OLFM2: variants seen among roughly 807,000 people sequenced by gnomAD.
OLFM2 encodes the protein olfactomedin 2, also known as noelin-2.
Under a neutral mutation model 43.9 loss-of-function variants are expected in OLFM2, and 20 were observed. The observed-to-expected ratio is 0.46, with a 90% CI of 0.32 to 0.66. The LOEUF is 0.66. Ranked by LOEUF, OLFM2 falls within the 30% of genes least tolerant of loss-of-function variation. The probability of loss-of-function intolerance (pLI) is 0.04; values close to 1 mark genes in which losing one functional copy is unlikely to be tolerated. For missense variants in OLFM2, 416 were observed against 643.6 expected, an observed-to-expected ratio of 0.65 and a Z score of 3.83; for synonymous variants, 268 against 278.6, an observed-to-expected ratio of 0.96 and a Z score of 0.38.
intron 1 of OLFM2, among the ~76,000 whole-genome samples, chr19:9,866,763 G>A (rs1464231627): frequency 6.6e-6 from 1 of 151,990 alleles, no homozygotes; most frequent in African/African-American, 2.4e-5. Flanking sequence ...CCAAAGTGCT[G>A]GAATTATAGG....
intron 1 of OLFM2, 51 bp downstream of exon 1, chr19:9,936,253 C>A: frequency 1.3e-6 from 2 of 1,521,494 alleles, no homozygotes; most frequent in Non-Finnish European, 1.8e-6. Flanking sequence ...CTCCGCGCCC[C>A]CCTCCTCTCC....
At chr19:9,888,394 C>T (rs972827575) in intron 1 of OLFM2, among the ~76,000 whole-genome samples, 21 of 150,636 alleles carry the variant, frequency 1.4e-4, no homozygotes, top group African/African-American at 4.9e-4. Context: ...TGTGGTGGTG[C>T]GTGCCTGTAA....
At chr19:9,865,228 T>G (rs1280106644) in intron 1 of OLFM2, among the ~76,000 whole-genome samples, 4 of 150,900 alleles carry the variant, frequency 2.7e-5, no homozygotes, top group African/African-American at 9.8e-5. Context: ...GCAGTGGTAC[T>G]ATCAGGGCTT....
intron 1 of OLFM2, among the ~76,000 whole-genome samples, chr19:9,866,329 A>G (rs1427194094): frequency 6.6e-6 from 1 of 152,146 alleles, no homozygotes; most frequent in Admixed American, 6.6e-5. Context: ...AACAAAGTCA[A>G]GAGTTCTTGG....
chr19:9,910,297 G>C (rs1348790190), intron 1 of OLFM2, among the ~76,000 whole-genome samples: 1 of 152,150 alleles, frequency 6.6e-6, no homozygotes. Context: ...GTAAATTACA[G>C]GGCCAGAATT....
chr19:9,904,184 G>GTA (rs2046765360), intron 1 of OLFM2, among the ~76,000 whole-genome samples: 1 of 151,220 alleles, frequency 6.6e-6, no homozygotes, highest in African/African-American at 2.4e-5. Flanking sequence ...GTGTGTGTGT[G>GTA]TGTGTGTGTG....
rs1331179910 is a variant in OLFM2 at position 9,854,509 on chromosome 19, T to G, written c.1042A>C (p.Ser348Arg). The change falls in exon 6 of 6, where the codon AGC becomes CGC. Residue 348 changes from serine (S) to arginine (R), a missense_variant. By Grantham distance (110) the Ser-to-Arg change is moderately radical (BLOSUM62 -1). Coordinates refer to ENST00000264833, the MANE Select transcript of OLFM2 (RefSeq NM_058164.4). This position sits in a 1 kb window ranked among gnomAD's most constrained non-coding sequence, Gnocchi z 9.5. ...TNQNAGNIVV[S>R]RLDPHTLEVM... ...TCGAGGGTGTGCGGGTCCAGCCGGCTGACCACGATGTTGCCCGCGTTCTGG... is the reference window on the plus strand; with the variant it reads ...TCGAGGGTGTGCGGGTCCAGCCGGCGGACCACGATGTTGCCCGCGTTCTGG... The G allele has an allele frequency of 6.2e-7, 1 of 1,613,770 alleles. No individual in the cohort carries two copies. The highest frequency in any genetic ancestry group is 8.5e-7 in the Non-Finnish European group (1 of 1,180,028).
chr19:9,925,737 C>T (rs1005907642), intron 1 of OLFM2, among the ~76,000 whole-genome samples: 6 of 151,736 alleles, frequency 4.0e-5, no homozygotes, highest in African/African-American at 1.5e-4. Context: ...CCTGGCCCAG[C>T]AATGCCACTT....
At chr19:9,883,153 G>C (rs898650631) in intron 1 of OLFM2, among the ~76,000 whole-genome samples, 14 of 151,086 alleles carry the variant, frequency 9.3e-5, no homozygotes. Context: ...AGGTTACAGT[G>C]AGCCGAGATC....
rs144919616 is a variant in OLFM2, at chr19:9,903,996, T to C, written c.63+32308A>G. 2.7e-3 allele frequency among the ~76,000 whole-genome samples: 404 copies of C among 152,224 alleles called. 3 individuals are homozygous for C. The highest frequency in any genetic ancestry group is 0.025 in the Admixed American group (385 of 15,280). ...TATACTGAAGGCCACATCACTATCA[T>C]GGGCACTACACTGAGGGCTGCATCA... On this transcript the variant is annotated intron_variant, in intron 1 of 5. Coordinates refer to ENST00000264833, the MANE Select transcript of OLFM2 (RefSeq NM_058164.4).
At chr19:9,923,863 G>C (rs2086435878) in intron 1 of OLFM2, among the ~76,000 whole-genome samples, 1 of 151,674 alleles carries the variant, frequency 6.6e-6, no homozygotes, top group African/African-American at 2.4e-5. Flanking sequence ...ACTTTGGGAG[G>C]CTAAGGCAGG....
chr19:9,913,585 CA>C (rs1420244024), intron 1 of OLFM2: 1 of 1,300,326 alleles, frequency 7.7e-7, no homozygotes, highest in Non-Finnish European at 9.9e-7. Context: ...TGGTGCTCAG[CA>C]CGGCCCCGAT....
At chr19:9,931,827 C>T (rs2086484612) in intron 1 of OLFM2, among the ~76,000 whole-genome samples, 1 of 152,090 alleles carries the variant, frequency 6.6e-6, no homozygotes, top group Admixed American at 6.6e-5. Context: ...CTTTGGTCTC[C>T]CAAAATGCTG....
At position 9,936,377 on chromosome 19, in the gene OLFM2, T is replaced by G; in HGVS notation, c.-11A>C. 7.0e-7 allele frequency: 1 copy of G among 1,437,806 alleles called. No individual in the cohort carries two copies. The allele number at this position is 1,437,806 out of a possible 1,614,324, so 89.1% of individuals were successfully genotyped here. ...CGTGAGCGGCCACATGACGCGCCCC[T>G]AGCCCGGCGTCCCGACCCCCGCCCG... On this transcript the variant is annotated 5_prime_UTR_variant, in exon 1 of 6. Transcript: ENST00000264833.
chr19:9,936,214 A>T, intron 1 of OLFM2, 90 bp downstream of exon 1: 1 of 1,359,210 alleles, frequency 7.4e-7, no homozygotes, highest in Non-Finnish European at 9.9e-7. Context: ...GGGCTTGTGG[A>T]GCCTCCCAAC....
At chr19:9,924,204 A>G (rs1437976976) in intron 1 of OLFM2, among the ~76,000 whole-genome samples, 2 of 134,744 alleles carry the variant, frequency 1.5e-5, no homozygotes, top group Non-Finnish European at 3.0e-5. Context: ...AGGTCAGGAG[A>G]TCGAGACCAT....
intron 1 of OLFM2, among the ~76,000 whole-genome samples, chr19:9,904,949 G>A (rs933466993): frequency 3.3e-5 from 5 of 152,002 alleles, no homozygotes; most frequent in Admixed American, 2.0e-4. Context: ...AACACAGGAC[G>A]TCGAGGCTGC....
rs1037225082 is a variant in OLFM2, at chr19:9,895,325, C to CA, written c.64-34532dup. Among the ~76,000 whole-genome samples, 122 of 149,682 alleles carry CA rather than the reference C, an allele frequency of 8.2e-4. 1 individual carries two copies. The highest frequency in any genetic ancestry group is 2.7e-3 in the African/African-American group (112 of 40,794). On this transcript the variant is annotated intron_variant, in intron 1 of 5. Transcript: ENST00000264833. ...CAACATACTAGGACCCTAACTGTAC[C>CA]AAAAAAAAAATTTTTTTTTAATTAG...
chr19:9,936,232 C>G (rs2086513949), intron 1 of OLFM2, 72 bp downstream of exon 1: 1 of 1,488,448 alleles, frequency 6.7e-7, no homozygotes, highest in African/African-American at 1.4e-5. Flanking sequence ...AACCCCGTTT[C>G]TCCGGGAACC....
Sources: gnomAD v4.1 joint callset for allele counts (sites outside exome capture counted in the v4.1 genomes callset) on GRCh38, gnomAD v4.1.1 for gene constraint, Gnocchi (gnomAD v3.1) non-coding constraint, MANE v1.5 for transcripts, NCBI Gene and HGNC (gene_info 2026-07-23, HGNC 2026-07-21) for gene names.